Variants in CTNNA3 observed in about 807,000 individuals in gnomAD.
The protein encoded by CTNNA3 is catenin alpha 3.
In CTNNA3, 76 loss-of-function variants were observed where a neutral mutation model predicts 95.7. The ratio of observed to expected loss-of-function variants is 0.79; its 90% CI spans 0.66 to 0.96. CTNNA3 has a LOEUF of 0.96. CTNNA3 is among the 40% of genes least tolerant of loss of function. The pLI is 0.00. For missense variants in CTNNA3, 1,191 were observed against 1,089.8 expected (o/e 1.09, Z -1.31); for synonymous variants, 431 against 374.4 (o/e 1.15, Z -1.74).
chr10:66,179,360 G>T (rs964608464), intron 13 of CTNNA3, among the ~76,000 whole-genome samples: 2 of 152,054 alleles, frequency 1.3e-5, no homozygotes, highest in East Asian at 3.9e-4. Context: ...GTTGACACTG[G>T]TTGAGGAAGG....
chr10:67,350,164 G>T (rs1285797998), intron 5 of CTNNA3, among the ~76,000 whole-genome samples: 1 of 152,002 alleles, frequency 6.6e-6, no homozygotes, highest in Non-Finnish European at 1.5e-5. Context: ...ATCTGTCAAG[G>T]TCACTCAGCT....
At chr10:66,141,014 T>A (rs2083587555) in intron 13 of CTNNA3, among the ~76,000 whole-genome samples, 1 of 152,088 alleles carries the variant, frequency 6.6e-6, no homozygotes, top group Non-Finnish European at 1.5e-5. Context: ...ATCGCAGCAC[T>A]TTGGGAGGCC....
chr10:66,687,431 A>C (rs1182294342), intron 9 of CTNNA3, among the ~76,000 whole-genome samples: 2 of 152,126 alleles, frequency 1.3e-5, no homozygotes, highest in Non-Finnish European at 2.9e-5. Flanking sequence ...AATACCTGTA[A>C]ATAATATTTT....
chr10:67,656,174 A>G (rs748732638), intron 1 of CTNNA3, among the ~76,000 whole-genome samples: 1 of 152,214 alleles, frequency 6.6e-6, no homozygotes, highest in Non-Finnish European at 1.5e-5. Context: ...AAAGAAATAC[A>G]TACACCTTCT....
intron 10 of CTNNA3, among the ~76,000 whole-genome samples, chr10:66,617,665 C>G (rs1313640934): frequency 2.0e-5 from 3 of 152,208 alleles, no homozygotes; most frequent in Admixed American, 1.3e-4. Flanking sequence ...CAGGGATGCC[C>G]TCTCTCACCA....
chr10:66,671,016 A>G (rs1846640486), intron 9 of CTNNA3, among the ~76,000 whole-genome samples: 1 of 152,232 alleles, frequency 6.6e-6, no homozygotes, highest in South Asian at 2.1e-4. Context: ...TGTGTTTTAA[A>G]ACAGGACTTG....
chr10:66,823,165 G>A (rs11813343), intron 7 of CTNNA3, among the ~76,000 whole-genome samples: 10,593 of 152,236 alleles, frequency 0.07, 539 homozygotes, highest in African/African-American at 0.14. Flanking sequence ...TATATTAACA[G>A]CTTGTCCACA....
chr10:66,437,058 C>T (rs977412920), intron 11 of CTNNA3, among the ~76,000 whole-genome samples: 4 of 152,136 alleles, frequency 2.6e-5, no homozygotes, highest in African/African-American at 9.7e-5. Context: ...AAGAGATCCC[C>T]TGTTAGTCTG....
intron 3 of CTNNA3, among the ~76,000 whole-genome samples, chr10:67,577,858 G>A (rs1015167329): frequency 3.3e-5 from 5 of 150,742 alleles, no homozygotes; most frequent in Non-Finnish European, 5.9e-5. Context: ...CTTCATTTGG[G>A]TAGATATTCA....
chr10:65,969,342 C>G (rs2078047681), intron 16 of CTNNA3, among the ~76,000 whole-genome samples: 1 of 152,002 alleles, frequency 6.6e-6, no homozygotes, highest in Non-Finnish European at 1.5e-5. Context: ...GAGAAAGAAC[C>G]AGTGTAAGAA....
chr10:66,463,825 A>C lies in CTNNA3; in HGVS notation c.1531+56792T>G, dbSNP rs560205213. Reference sequence around the variant, plus strand: ...GGAGAGCTTAAAGTCAGAACAGAGAACGATGCTCTGGCAAAAGAGGCAAAC... The same window carrying C: ...GGAGAGCTTAAAGTCAGAACAGAGACCGATGCTCTGGCAAAAGAGGCAAAC... On this transcript the variant is annotated intron_variant, in intron 11 of 17. Coordinates refer to ENST00000433211, the MANE Select transcript of CTNNA3 (RefSeq NM_013266.4). Among the ~76,000 whole-genome samples the C allele has an allele frequency of 1.6e-3, 238 of 152,060 alleles. 2 individuals carry two copies. The highest frequency in any genetic ancestry group is 5.5e-3 in the African/African-American group (228 of 41,486).
At chr10:67,470,016 G>A (rs377063150) in intron 5 of CTNNA3, among the ~76,000 whole-genome samples, 15 of 152,014 alleles carry the variant, frequency 9.9e-5, no homozygotes, top group South Asian at 4.1e-4. Flanking sequence ...CCCTGTTGTG[G>A]TATCAAATAC....
At chr10:66,396,990 T>C (rs1295559510) in intron 11 of CTNNA3, among the ~76,000 whole-genome samples, 1 of 151,666 alleles carries the variant, frequency 6.6e-6, no homozygotes, top group East Asian at 1.9e-4. Flanking sequence ...TGACATAATT[T>C]TAAGTGAAAA....
At chr10:66,326,479 G>A (rs979555161) in intron 12 of CTNNA3, among the ~76,000 whole-genome samples, 1 of 152,060 alleles carries the variant, frequency 6.6e-6, no homozygotes, top group South Asian at 2.1e-4. Context: ...TGTGTTCAGA[G>A]TTAGGTTCAG....
intron 7 of CTNNA3, among the ~76,000 whole-genome samples, chr10:66,777,323 G>A (rs534536662): frequency 6.6e-6 from 1 of 151,898 alleles, no homozygotes; most frequent in Admixed American, 6.5e-5. Context: ...AGGCCAGTAA[G>A]TCTTTACCAT....
chr10:66,431,664 G>T (rs571724071), intron 11 of CTNNA3, among the ~76,000 whole-genome samples: 1 of 148,596 alleles, frequency 6.7e-6, no homozygotes, highest in Non-Finnish European at 1.5e-5. Context: ...ACCAAACACC[G>T]CATTTTCTCA....
At chr10:67,234,067 C>T (rs185213941) in intron 5 of CTNNA3, among the ~76,000 whole-genome samples, 197 of 152,246 alleles carry the variant, frequency 1.3e-3, no homozygotes, top group African/African-American at 4.6e-3. Flanking sequence ...GATTCACAGC[C>T]GAATTCTACA....
At chr10:67,364,430 C>T (rs1414924337) in intron 5 of CTNNA3, among the ~76,000 whole-genome samples, 2 of 152,186 alleles carry the variant, frequency 1.3e-5, no homozygotes, top group Non-Finnish European at 2.9e-5. Context: ...GATGCCCTCT[C>T]TCACCACTCC....
At chr10:66,251,004 T>C (rs548284259) in intron 13 of CTNNA3, among the ~76,000 whole-genome samples, 2 of 152,308 alleles carry the variant, frequency 1.3e-5, no homozygotes, top group East Asian at 3.9e-4. Flanking sequence ...TTGTAGACCA[T>C]TGATTATTCC....
Sources: allele counts gnomAD v4.1 joint callset (sites outside exome capture counted in the v4.1 genomes callset), GRCh38; gene constraint gnomAD v4.1.1; transcripts MANE v1.5; gene names NCBI Gene and HGNC (gene_info 2026-07-23, HGNC 2026-07-21).